DNAH7: variants seen among roughly 807,000 people sequenced by gnomAD.
The protein encoded by DNAH7 is dynein axonemal heavy chain 7.
A neutral mutation model predicts 444.6 loss-of-function variants in DNAH7; 397 were observed. The observed-to-expected ratio is 0.89, with a 90% confidence interval of 0.82 to 0.97. The LOEUF is 0.97. DNAH7 is among the 50% of genes least tolerant of loss of function. DNAH7 has a pLI of 0.00. For missense variants in DNAH7, 4,902 were observed against 4,800.8 expected (o/e 1.02, Z -0.62); for synonymous variants, 1,636 against 1,624.4 (o/e 1.01, Z -0.17).
chr2:195,764,946 T>C (rs1158665722), intron 61 of DNAH7, among the ~76,000 whole-genome samples: 1 of 150,448 alleles, frequency 6.6e-6, no homozygotes, highest in African/African-American at 2.4e-5. Flanking sequence ...CTGAGCAAAA[T>C]GATTAAAACT....
rs141169605 is a variant in DNAH7, at chr2:195,882,837, C to T, written c.5764-845G>A. ...GCCTCACTGATGCACATGCTGGTCC[C>T]CCCACCCCGCTTCCCTGGGCCCGAG... On this transcript the variant is annotated intron_variant, in intron 35 of 64. Coordinates refer to ENST00000312428, the MANE Select transcript of DNAH7 (RefSeq NM_018897.3). Among the ~76,000 whole-genome samples, 1,029 of 152,268 alleles carry T rather than the reference C, an allele frequency of 6.8e-3. 7 individuals are homozygous for T. Among genetic ancestry groups the T allele is most frequent in the African/African-American group, 0.023 (975 of 41,558 alleles).
chr2:195,946,746 C>G (rs748821521), intron 19 of DNAH7, among the ~76,000 whole-genome samples: 3 of 152,034 alleles, frequency 2.0e-5, no homozygotes, highest in African/African-American at 7.2e-5. Context: ...TCTCTTCACC[C>G]GGTCCTTGTC....
At chr2:195,800,843 A>T (rs1055689936) in intron 54 of DNAH7, among the ~76,000 whole-genome samples, 3 of 152,238 alleles carry the variant, frequency 2.0e-5, no homozygotes, top group Non-Finnish European at 4.4e-5. Context: ...AAATCTAGGA[A>T]CAAAACACAG....
chr2:196,048,174 T>A (rs1697250050), intron 4 of DNAH7, 122 bp downstream of exon 4: 1 of 777,626 alleles, frequency 1.3e-6, no homozygotes, highest in African/African-American at 1.7e-5. Flanking sequence ...TGGGAAAATT[T>A]TTTTCTACTT....
intron 55 of DNAH7, 67 bp from the exon 56 acceptor site, chr2:195,796,804 T>A: frequency 1.3e-6 from 2 of 1,510,422 alleles, no homozygotes; most frequent in East Asian, 4.6e-5. Flanking sequence ...ATTGTTTTTT[T>A]AAAAGTTAAC....
At chr2:196,060,445 T>C (rs1698074969) in intron 1 of DNAH7, among the ~76,000 whole-genome samples, 1 of 152,188 alleles carries the variant, frequency 6.6e-6, no homozygotes, top group African/African-American at 2.4e-5. Flanking sequence ...TCTGGTGTTG[T>C]TTCCCTTATA....
chr2:196,061,693 GAGAGTGGAA>G (rs1698142804), intron 1 of DNAH7, among the ~76,000 whole-genome samples: 1 of 152,170 alleles, frequency 6.6e-6, no homozygotes, highest in Non-Finnish European at 1.5e-5. Context: ...AAAGAAAGTG[GAGAGTGGAA>G]AGAGAGATCG....
intron 61 of DNAH7, among the ~76,000 whole-genome samples, chr2:195,766,167 A>ATTTTTTTTTTTTTTTTTTTTTT: frequency 0.013 from 767 of 57,306 alleles, 156 homozygotes; most frequent in Non-Finnish European, 0.021. Context: ...GTGGGAGCTA[A>ATTTTTTTTTTTTTTTTTTTTTT]TTTTTTTTTT....
intron 62 of DNAH7, among the ~76,000 whole-genome samples, chr2:195,755,387 G>A (rs868638478): frequency 6.6e-6 from 1 of 152,240 alleles, no homozygotes; most frequent in South Asian, 2.1e-4. Flanking sequence ...TTCTAATGGT[G>A]AGTCAGTTGA....
chr2:195,879,490 G>T (rs1375966581), intron 36 of DNAH7, among the ~76,000 whole-genome samples: 2 of 152,050 alleles, frequency 1.3e-5, no homozygotes, highest in African/African-American at 2.4e-5. Context: ...TTTTTATCAG[G>T]ATGCCTTAAA....
Position 195,844,208 on chromosome 2 carries a change from T to A in DNAH7, c.8945+794A>T, listed in dbSNP as rs947354169. Reference sequence around the variant, plus strand: ...TTTCCATGCCTCAAACATTTTTACTTTAAAAAGTACCATCATATCAATTAC... The same window carrying A: ...TTTCCATGCCTCAAACATTTTTACTATAAAAAGTACCATCATATCAATTAC... On this transcript the variant is annotated intron_variant, in intron 47 of 64. Coordinates refer to ENST00000312428, the MANE Select transcript of DNAH7 (RefSeq NM_018897.3). Among the ~76,000 whole-genome samples, 6 of 152,226 alleles carry A rather than the reference T, an allele frequency of 3.9e-5. No homozygotes were observed. The East Asian group carries it at 1.2e-3, about 29-fold the overall frequency.
intron 63 of DNAH7, among the ~76,000 whole-genome samples, chr2:195,749,024 A>G (rs1693616023): frequency 6.6e-6 from 1 of 152,124 alleles, no homozygotes; most frequent in Non-Finnish European, 1.5e-5. Flanking sequence ...ACAGCAAAAG[A>G]AACTACCATC....
intron 35 of DNAH7, among the ~76,000 whole-genome samples, chr2:195,883,458 C>G (rs1054235828): frequency 1.2e-4 from 18 of 148,900 alleles, no homozygotes; most frequent in South Asian, 8.4e-4. Context: ...CGCTCCCCCC[C>G]CCCAAAAAAA....
chr2:196,025,799 G>A (rs1246599718), intron 7 of DNAH7, among the ~76,000 whole-genome samples: 1 of 152,062 alleles, frequency 6.6e-6, no homozygotes, highest in Non-Finnish European at 1.5e-5. Context: ...ATACTCCATA[G>A]AAGTCATAAA....
rs115503697 is a variant in DNAH7, at chr2:195,997,208, T to C, written c.1353+3496A>G. On this transcript the variant is annotated intron_variant, in intron 12 of 64. Coordinates refer to ENST00000312428, the MANE Select transcript of DNAH7 (RefSeq NM_018897.3). ...GAATCGGATACTACGACTTCAAAACTATATTAGAAAGTATAATTTTGGGGC... is the reference window on the plus strand; with the variant it reads ...GAATCGGATACTACGACTTCAAAACCATATTAGAAAGTATAATTTTGGGGC... Among the ~76,000 whole-genome samples the C allele has an allele frequency of 4.7e-3, 711 of 152,268 alleles. 4 individuals are homozygous for C. Among genetic ancestry groups the C allele is most frequent in the African/African-American group, 0.016 (669 of 41,566 alleles).
At position 195,795,369 on chromosome 2, in the gene DNAH7, G is replaced by C. The variant is rs186788634; in HGVS notation, c.10516-831C>G. On this transcript the variant is annotated intron_variant, in intron 56 of 64. Transcript: ENST00000312428. ...TGCACTCCAGCCCGGGTGACAGATT[G>C]AGACTTCATCTCAAAACCACAACAA... Among the ~76,000 whole-genome samples the C allele has an allele frequency of 5.1e-4, 77 of 152,288 alleles. 2 individuals are homozygous for C. The highest frequency in any genetic ancestry group is 2.2e-4 in the Non-Finnish European group (15 of 68,018).
intron 59 of DNAH7, among the ~76,000 whole-genome samples, chr2:195,776,421 C>T (rs564200805): frequency 1.1e-4 from 16 of 147,152 alleles, no homozygotes; most frequent in African/African-American, 3.0e-4. Context: ...CCAGCCTGGG[C>T]GAGAAGAGTG....
chr2:195,977,192 G>A (rs1006806856), intron 15 of DNAH7, among the ~76,000 whole-genome samples: 3 of 152,142 alleles, frequency 2.0e-5, no homozygotes, highest in African/African-American at 7.2e-5. Flanking sequence ...AGATATGTGA[G>A]ATTTCAGACA....
Position 195,754,323 on chromosome 2 carries a change from G to T in DNAH7, c.11764+14C>A, listed in dbSNP as rs1693962267. The T allele has an allele frequency of 6.2e-7, 1 of 1,612,446 alleles. No homozygotes were observed. Among genetic ancestry groups the T allele is most frequent in the Non-Finnish European group, 8.5e-7 (1 of 1,178,960 alleles). Reference sequence around the variant, plus strand: ...GCCCAGATATGAGCCGACTCATTCTGTCCCTGCACTTACCATCCTCAGGAG... The same window carrying T: ...GCCCAGATATGAGCCGACTCATTCTTTCCCTGCACTTACCATCCTCAGGAG... On this transcript the variant is annotated intron_variant, in intron 63 of 64. Transcript: ENST00000312428.
Sources: allele counts gnomAD v4.1 joint callset (sites outside exome capture counted in the v4.1 genomes callset), GRCh38; gene constraint gnomAD v4.1.1; transcripts MANE v1.5; gene names NCBI Gene and HGNC (gene_info 2026-07-23, HGNC 2026-07-21).